Variants in HMCES observed in about 807,000 individuals in gnomAD.
The protein encoded by HMCES is abasic site processing protein HMCES.
HMCES carries 27 observed loss-of-function variants against 35.1 expected under a neutral mutation model. The ratio of observed to expected loss-of-function variants is 0.77; its 90% CI spans 0.57 to 1.06. The LOEUF (loss-of-function observed/expected upper bound fraction) is 1.06, where lower values mean the gene tolerates loss of function less well. HMCES is among the 50% of genes least tolerant of loss of function. HMCES has a pLI of 0.00. For missense variants in HMCES, 391 were observed against 430.4 expected, an observed-to-expected ratio of 0.91 and a Z score of 0.81; for synonymous variants, 130 against 154.7, an observed-to-expected ratio of 0.84 and a Z score of 1.18.
chr3:129,299,704 T>C (rs1030292547), intron 5 of HMCES, among the ~76,000 whole-genome samples: 1 of 142,146 alleles, frequency 7.0e-6, no homozygotes, highest in Non-Finnish European at 1.5e-5. Flanking sequence ...CAGGCTGGAG[T>C]GCAGTGGTGC....
intron 4 of HMCES, among the ~76,000 whole-genome samples, chr3:129,297,211 G>A (rs2071103967): frequency 6.6e-6 from 1 of 151,968 alleles, no homozygotes; most frequent in African/African-American, 2.4e-5. Flanking sequence ...CCCTCTTCCA[G>A]AAGTAGACTG....
Position 129,279,847 on chromosome 3 carries a change from T to C in HMCES, c.115T>C (p.Cys39Arg). The part of the protein sequence containing the change: ...LPEWRDPDKY[C>R]PSYNKSPQSN... Reference sequence around the variant, plus strand: ...GGAGTGGAGGGACCCTGATAAGTACTGCCCCTCTTACAACAAGAGTCCTCA... The same window carrying C: ...GGAGTGGAGGGACCCTGATAAGTACCGCCCCTCTTACAACAAGAGTCCTCA... The change falls in exon 2 of 7, where the codon TGC becomes CGC. Residue 39 changes from cysteine to arginine, a missense_variant. Coordinates refer to ENST00000383463, the MANE Select transcript of HMCES (RefSeq NM_020187.3). This position sits in a 1 kb window ranked among gnomAD's most constrained non-coding sequence, Gnocchi z 4.2. 1 of 1,612,532 alleles carries C rather than the reference T, an allele frequency of 6.2e-7. No individual in the cohort carries two copies. The highest frequency in any genetic ancestry group is 8.5e-7 in the Non-Finnish European group (1 of 1,179,566).
intron 6 of HMCES, 38 bp from the exon 7 acceptor site, chr3:129,304,551 T>G: frequency 4.7e-5 from 74 of 1,564,712 alleles, no homozygotes; most frequent in Non-Finnish European, 5.6e-5. Flanking sequence ...CCCAAAAGCT[T>G]GAGCTGTATG....
At chr3:129,293,612 C>CCAGGA (rs1328273371) in intron 4 of HMCES, among the ~76,000 whole-genome samples, 3 of 136,364 alleles carry the variant, frequency 2.2e-5, no homozygotes, top group Non-Finnish European at 4.6e-5. Flanking sequence ...CTCTTGTTGC[C>CCAGGA]CAGGATGGAG....
In HMCES at chr3:129,305,006, C is replaced by T. The variant is rs555860621; in HGVS notation, c.*181C>T. On this transcript the variant is annotated 3_prime_UTR_variant, in exon 7 of 7. Transcript: ENST00000383463. ...AGCCCCTAGTGGGGCTGGTGGACAG[C>T]TTTGGAAGAGGTGTCCTGCTGCTGT... The T allele has an allele frequency of 1.6e-4, 96 of 604,398 alleles. No individual in the cohort carries two copies. In the African/African-American group the frequency reaches 1.6e-3, roughly 10 times the overall value. The allele number at this position is 604,398 out of a possible 1,614,324, so 37.4% of individuals were successfully genotyped here.
chr3:129,279,843 G>C lies in HMCES; in HGVS notation c.111G>C (p.Lys37Asn). Residue 37 changes from lysine (K) to asparagine (N), a missense_variant, in exon 2 of 7, where the codon AAG (lysine) becomes AAC (asparagine). Lys to Asn is a moderately conservative substitution (Grantham distance 94). Coordinates refer to ENST00000383463, the MANE Select transcript of HMCES (RefSeq NM_020187.3). This position sits in a 1 kb window ranked among gnomAD's most constrained non-coding sequence, Gnocchi z 4.2. ...QRLPEWRDPD[K>N]YCPSYNKSPQ... Reference sequence around the variant, plus strand: ...TCCCGGAGTGGAGGGACCCTGATAAGTACTGCCCCTCTTACAACAAGAGTC... The same window carrying C: ...TCCCGGAGTGGAGGGACCCTGATAACTACTGCCCCTCTTACAACAAGAGTC... 1 of 1,612,792 alleles carries C rather than the reference G, an allele frequency of 6.2e-7. No individual in the cohort carries two copies. The highest frequency in any genetic ancestry group is 1.1e-5 in the South Asian group (1 of 90,852).
chr3:129,279,647 T>G lies in HMCES; in HGVS notation c.-23-63T>G. ...GGGAACGGAAAGAGAAGGCGGGGAC[T>G]CAAGGAATAAGACCTAATATTTGAG... On this transcript the variant is annotated intron_variant, in intron 1 of 6. Coordinates refer to ENST00000383463, the MANE Select transcript of HMCES (RefSeq NM_020187.3). This position sits in a 1 kb window ranked among gnomAD's most constrained non-coding sequence, Gnocchi z 4.2. 1 of 1,491,910 alleles carries G rather than the reference T, an allele frequency of 6.7e-7. No individual in the cohort carries two copies. The highest frequency in any genetic ancestry group is 9.1e-7 in the Non-Finnish European group (1 of 1,095,902). The allele number at this position is 1,491,910 out of a possible 1,614,324, so 92.4% of individuals were successfully genotyped here.
Position 129,279,637 on chromosome 3 carries a change from A to G in HMCES, c.-23-73A>G. Reference sequence around the variant, plus strand: ...ACGGCCCTGTGGGAACGGAAAGAGAAGGCGGGGACTCAAGGAATAAGACCT... The same window carrying G: ...ACGGCCCTGTGGGAACGGAAAGAGAGGGCGGGGACTCAAGGAATAAGACCT... On this transcript the variant is annotated intron_variant, in intron 1 of 6. Coordinates refer to ENST00000383463, the MANE Select transcript of HMCES (RefSeq NM_020187.3). The surrounding 1 kb of genome is among the most constrained non-coding windows in gnomAD (Gnocchi z 4.2). 2.1e-6 allele frequency: 3 copies of G among 1,425,446 alleles called. No individual in the cohort carries two copies. Among genetic ancestry groups the G allele is most frequent in the Non-Finnish European group, 2.9e-6 (3 of 1,043,330 alleles). The allele number at this position is 1,425,446 out of a possible 1,614,324, so 88.3% of individuals were successfully genotyped here. A position where few individuals can be genotyped will look rare whatever the true frequency, so the allele number is the denominator to read the frequency against.
At chr3:129,304,241 TCTG>T (rs2071206944) in intron 6 of HMCES, among the ~76,000 whole-genome samples, 1 of 152,200 alleles carries the variant, frequency 6.6e-6, no homozygotes, top group African/African-American at 2.4e-5. Flanking sequence ...TAGAAATTCT[TCTG>T]TATCTCTCCA....
At chr3:129,284,447 A>G (rs1940581116) in intron 2 of HMCES, among the ~76,000 whole-genome samples, 1 of 152,240 alleles carries the variant, frequency 6.6e-6, no homozygotes, top group Admixed American at 6.5e-5. Flanking sequence ...AAACACACAT[A>G]AAACAAGGTC....
chr3:129,302,710 C>T (rs774058227), intron 6 of HMCES, among the ~76,000 whole-genome samples: 20 of 149,860 alleles, frequency 1.3e-4, no homozygotes, highest in African/African-American at 3.4e-4. Context: ...GGCGAGACTG[C>T]GTTTCAAAAA....
In HMCES at chr3:129,279,980, T is replaced by G; in HGVS notation, c.183+65T>G. 7.2e-7 allele frequency: 1 copy of G among 1,381,750 alleles called. No individual in the cohort carries two copies. The highest frequency in any genetic ancestry group is 2.5e-5 in the East Asian group (1 of 39,560). The allele number at this position is 1,381,750 out of a possible 1,614,324, so 85.6% of individuals were successfully genotyped here. The stretch of plus-strand genomic sequence containing the variant: ...CGTGATGGTCATCTCCTATTTGGTT[T>G]GGTGTGTGCTCAGCCTCTTGGGATG... On this transcript the variant is annotated intron_variant, in intron 2 of 6. Coordinates refer to ENST00000383463, the MANE Select transcript of HMCES (RefSeq NM_020187.3). This position sits in a 1 kb window ranked among gnomAD's most constrained non-coding sequence, Gnocchi z 4.2.
intron 2 of HMCES, among the ~76,000 whole-genome samples, chr3:129,283,201 G>A (rs1172999697): frequency 1.3e-5 from 2 of 152,048 alleles, no homozygotes; most frequent in South Asian, 4.1e-4. Context: ...GAATTGTCCC[G>A]TACTGAGAAC....
At chr3:129,292,508 T>G (rs2071033243) in intron 4 of HMCES, among the ~76,000 whole-genome samples, 2 of 149,914 alleles carry the variant, frequency 1.3e-5, no homozygotes, top group African/African-American at 4.9e-5. Flanking sequence ...TTTTTTTTTT[T>G]TTGAGACAGA....
In HMCES at chr3:129,305,644, C is replaced by T. The variant is rs775702561; in HGVS notation, c.*819C>T. 6.6e-6 allele frequency: 1 copy of T among 152,160 alleles called. No individual in the cohort carries two copies. Among genetic ancestry groups the T allele is most frequent in the Admixed American group, 6.5e-5 (1 of 15,278 alleles). The allele number at this position is 152,160 out of a possible 1,614,324, so 9.4% of individuals were successfully genotyped here. On this transcript the variant is annotated 3_prime_UTR_variant, in exon 7 of 7. Coordinates refer to ENST00000383463, the MANE Select transcript of HMCES (RefSeq NM_020187.3). ...AGGGAGGCATTCACAAAAGCTGTCC[C>T]AAGCAGCTGGAAGAAAACAGCTTCC...
At chr3:129,298,212 T>C in intron 4 of HMCES, 142 bp from the exon 5 acceptor site, 1 of 697,356 alleles carries the variant, frequency 1.4e-6, no homozygotes. Flanking sequence ...CTTCTTTCCT[T>C]TGGTGACAGA....
At chr3:129,293,981 A>C (rs752058721) in intron 4 of HMCES, among the ~76,000 whole-genome samples, 222 of 152,122 alleles carry the variant, frequency 1.5e-3, no homozygotes, top group Non-Finnish European at 2.7e-3. Context: ...TATTGATGTG[A>C]TTGGGTTAAA....
intron 6 of HMCES, among the ~76,000 whole-genome samples, chr3:129,303,437 T>A (rs2071195324): frequency 6.6e-6 from 1 of 152,250 alleles, no homozygotes. Flanking sequence ...TGGCACTTTT[T>A]AAAAATTAGA....
At chr3:129,292,185 TTTAA>T (rs762260670) in intron 4 of HMCES, among the ~76,000 whole-genome samples, 5 of 152,208 alleles carry the variant, frequency 3.3e-5, no homozygotes, top group Non-Finnish European at 5.9e-5. Context: ...ATGTTTTATT[TTTAA>T]TTAGATTATT....
Sources: gnomAD v4.1 joint callset for allele counts (sites outside exome capture counted in the v4.1 genomes callset) on GRCh38, gnomAD v4.1.1 for gene constraint, Gnocchi (gnomAD v3.1) non-coding constraint, MANE v1.5 for transcripts, NCBI Gene and HGNC (gene_info 2026-07-23, HGNC 2026-07-21) for gene names.